The following APBA2 variants were observed in gnomAD, a reference collection of about 807,000 sequenced individuals.
The protein encoded by APBA2 is amyloid beta precursor protein binding family A member 2.
Under a neutral mutation model 75.0 loss-of-function variants are expected in APBA2, and 30 were observed. The ratio of observed to expected loss-of-function variants is 0.40; its 90% CI spans 0.30 to 0.54. The LOEUF is 0.54. Ranked by LOEUF, APBA2 falls within the 20% of genes least tolerant of loss-of-function variation. The pLI is 0.49. For synonymous variants in APBA2, 444 were observed against 409.6 expected, an observed-to-expected ratio of 1.08 and a Z score of -1.01; for missense variants, 801 against 1,016.1, an observed-to-expected ratio of 0.79 and a Z score of 2.88.
At chr15:28,899,573 G>A (rs1331221701) in intron 1 of APBA2, among the ~76,000 whole-genome samples, 5 of 152,194 alleles carry the variant, frequency 3.3e-5, no homozygotes, top group South Asian at 2.1e-4. Flanking sequence ...TCAGGGCGTC[G>A]TGTGTGCCCG....
At chr15:28,947,645 G>A (rs140948521) in intron 2 of APBA2, among the ~76,000 whole-genome samples, 34 of 152,250 alleles carry the variant, frequency 2.2e-4, no homozygotes, top group African/African-American at 7.2e-4. Context: ...GAATGGAGAG[G>A]CAGCCCCACA....
At chr15:29,040,893 A>AATGAGATGTTAACCTGATG (rs1353945388) in intron 3 of APBA2, among the ~76,000 whole-genome samples, 1 of 152,200 alleles carries the variant, frequency 6.6e-6, no homozygotes, top group East Asian at 1.9e-4. Flanking sequence ...GCAATTAACA[A>AATGAGATGTTAACCTGATG]ATGTCAACCC....
intron 2 of APBA2, among the ~76,000 whole-genome samples, chr15:28,937,120 C>G (rs532251986): frequency 1.3e-5 from 2 of 152,144 alleles, no homozygotes; most frequent in Non-Finnish European, 2.9e-5. Context: ...CCCATGTGCC[C>G]GGTGGTGGTC....
At chr15:28,969,216 C>T (rs1333039715) in intron 2 of APBA2, among the ~76,000 whole-genome samples, 1 of 142,738 alleles carries the variant, frequency 7.0e-6, no homozygotes, top group Non-Finnish European at 1.6e-5. Flanking sequence ...CAGTCTCTCT[C>T]TGCCGGCCAG....
At chr15:29,015,803 C>T (rs1366581362) in intron 3 of APBA2, among the ~76,000 whole-genome samples, 3 of 152,086 alleles carry the variant, frequency 2.0e-5, no homozygotes, top group Non-Finnish European at 4.4e-5. Context: ...CGGAGGAAGT[C>T]GCTCTGGGCC....
chr15:28,939,428 A>G lies in APBA2; in HGVS notation c.-95+17679A>G, dbSNP rs568297356. The stretch of plus-strand genomic sequence containing the variant: ...TCTTTTTAAAATTTTTTGAAGTGCC[A>G]TACTATTTTCCACAGCAGCTGCACC... On this transcript the variant is annotated intron_variant, in intron 2 of 14. Transcript: ENST00000683413. 1.5e-3 allele frequency among the ~76,000 whole-genome samples: 230 copies of G among 152,322 alleles called. 3 individuals are homozygous for G. The highest frequency in any genetic ancestry group is 9.1e-4 in the Non-Finnish European group (62 of 68,032).
intron 4 of APBA2, among the ~76,000 whole-genome samples, chr15:29,061,595 G>A (rs879876058): frequency 1.3e-5 from 2 of 152,228 alleles, no homozygotes; most frequent in Non-Finnish European, 2.9e-5. Flanking sequence ...CGAGGGCCCC[G>A]AGGCCACATC....
intron 2 of APBA2, among the ~76,000 whole-genome samples, chr15:28,941,717 G>A (rs549963158): frequency 1.3e-5 from 2 of 152,252 alleles, no homozygotes; most frequent in South Asian, 4.1e-4. Flanking sequence ...CCTGCCTGAG[G>A]ATTGTAAAGG....
chr15:28,936,215 C>A (rs2034861038), intron 2 of APBA2, among the ~76,000 whole-genome samples: 1 of 152,214 alleles, frequency 6.6e-6, no homozygotes, highest in Non-Finnish European at 1.5e-5. Context: ...AGCTGTCTTT[C>A]TGCCAGCTCT....
chr15:29,053,062 G>T (rs1200776143), intron 3 of APBA2, among the ~76,000 whole-genome samples: 1 of 152,190 alleles, frequency 6.6e-6, no homozygotes, highest in African/African-American at 2.4e-5. Flanking sequence ...TAGCCGTGTG[G>T]TTTGGGGGAT....
rs550753005 is a variant in APBA2 at position 29,043,419 on chromosome 15, G to A, written c.-40-10426G>A. Among the ~76,000 whole-genome samples the A allele has an allele frequency of 3.9e-5, 6 of 152,320 alleles. No individual in the cohort carries two copies. In the South Asian group the frequency reaches 1.2e-3, roughly 32 times the overall value. On this transcript the variant is annotated intron_variant, in intron 3 of 14. Transcript: ENST00000683413. ...CCACCGCAGAAATGTCACCTGACAGGTATGGCTGCCCAAGGCTTCCTGGGC... is the reference window on the plus strand; with the variant it reads ...CCACCGCAGAAATGTCACCTGACAGATATGGCTGCCCAAGGCTTCCTGGGC...
intron 2 of APBA2, among the ~76,000 whole-genome samples, chr15:28,955,002 G>A (rs1202781893): frequency 2.0e-5 from 3 of 152,132 alleles, no homozygotes; most frequent in African/African-American, 7.2e-5. Flanking sequence ...CAGAGGCATA[G>A]CCGGCCCACC....
intron 10 of APBA2, among the ~76,000 whole-genome samples, chr15:29,105,177 C>T (rs1444328647): frequency 1.3e-5 from 2 of 152,208 alleles, no homozygotes; most frequent in Admixed American, 6.5e-5. Flanking sequence ...GGTTCGCTCA[C>T]GGTGGAGTGC....
At chr15:28,940,339 C>G (rs1219260633) in intron 2 of APBA2, among the ~76,000 whole-genome samples, 1 of 130,366 alleles carries the variant, frequency 7.7e-6, no homozygotes, top group Admixed American at 8.9e-5. Context: ...AGTGAAACCC[C>G]GTCTCTACTA....
chr15:29,016,695 G>T (rs901868874), intron 3 of APBA2, among the ~76,000 whole-genome samples: 2 of 152,208 alleles, frequency 1.3e-5, no homozygotes, highest in African/African-American at 4.8e-5. Context: ...CGGGGAAAGA[G>T]AAATGGCTGC....
chr15:28,923,495 G>A (rs2034086531), intron 2 of APBA2, among the ~76,000 whole-genome samples: 1 of 145,636 alleles, frequency 6.9e-6, no homozygotes, highest in Non-Finnish European at 1.5e-5. Context: ...CATGATGCAG[G>A]AACAAGCATC....
chr15:28,893,064 C>T (rs912676852), intron 1 of APBA2, among the ~76,000 whole-genome samples: 2 of 152,226 alleles, frequency 1.3e-5, no homozygotes, highest in African/African-American at 4.8e-5. Flanking sequence ...GCAGCTGTCA[C>T]GGGTGTGGTG....
chr15:29,101,810 C>G, intron 10 of APBA2, 26 bp downstream of exon 10: 1 of 1,606,720 alleles, frequency 6.2e-7, no homozygotes, highest in Non-Finnish European at 8.5e-7. Flanking sequence ...CCAGGGCACT[C>G]CCCTCCCAAA....
In APBA2 at chr15:28,967,722, G is replaced by A. The variant is rs188141143; in HGVS notation, c.-94-28031G>A. 1.5e-4 allele frequency among the ~76,000 whole-genome samples: 23 copies of A among 152,292 alleles called. No homozygotes were observed. In the East Asian group the frequency reaches 4.2e-3, roughly 28 times the overall value. On this transcript the variant is annotated intron_variant, in intron 2 of 14. Transcript: ENST00000683413. ...CAAAGTGCTAGGATTATAGGTGTGA[G>A]CCTCCGCGCCCGGCCCCTTTCTTTA... is the stretch of plus-strand genomic sequence containing the variant.
Sources: allele counts gnomAD v4.1 joint callset (sites outside exome capture counted in the v4.1 genomes callset), GRCh38; gene constraint gnomAD v4.1.1; transcripts MANE v1.5; gene names NCBI Gene and HGNC (gene_info 2026-07-23, HGNC 2026-07-21).